The following AATK variants were observed in gnomAD, a reference collection of about 807,000 sequenced individuals.
AATK encodes the protein lemur tail kinase 1.
Under a neutral mutation model 114.3 loss-of-function variants are expected in AATK, and 91 were observed. The observed-to-expected ratio is 0.80, with a 90% confidence interval of 0.67 to 0.95. The LOEUF is 0.95. Among genes scored for constraint, AATK ranks in the 40% least tolerant of loss-of-function variants. The pLI is 0.00. For synonymous variants in AATK, 1,075 were observed against 916.5 expected, an observed-to-expected ratio of 1.17 and a Z score of -3.12; for missense variants, 2,176 against 1,965.2, an observed-to-expected ratio of 1.11 and a Z score of -2.03.
At chr17:81,131,016 T>C in intron 3 of AATK, 45 bp downstream of exon 3, 1 of 1,535,072 alleles carries the variant, frequency 6.5e-7, no homozygotes, top group Non-Finnish European at 8.7e-7. Flanking sequence ...GCCCAGCACC[T>C]GGGCCCCGGA....
chr17:81,165,500 G>T, intron 1 of AATK: 1 of 555,832 alleles, frequency 1.8e-6, no homozygotes, highest in South Asian at 1.8e-5. Context: ...GCTGGGCAGG[G>T]CTCTGAGAAT....
intron 13 of AATK, among the ~76,000 whole-genome samples, chr17:81,119,050 T>A (rs926481148): frequency 6.6e-6 from 1 of 152,108 alleles, no homozygotes; most frequent in African/African-American, 2.4e-5. Flanking sequence ...CAGGGACTTC[T>A]GGCTGGGAAG....
At position 81,127,689 on chromosome 17, in the gene AATK, G is replaced by C; in HGVS notation, c.534-19C>G. ...CAGGGCCCTGCGGGAGTGGACAGGC[G>C]GCCCCTGACTTGGGAGGAGGTGGGG... On this transcript the variant is annotated intron_variant, in intron 5 of 13. Coordinates refer to ENST00000326724, the MANE Select transcript of AATK (RefSeq NM_001080395.3). 1.3e-6 allele frequency: 2 copies of C among 1,567,676 alleles called. No homozygotes were observed. Among genetic ancestry groups the C allele is most frequent in the Non-Finnish European group, 8.6e-7 (1 of 1,156,688 alleles).
Position 81,124,974 on chromosome 17 carries a change from T to A in AATK, c.796A>T (p.Thr266Ser), listed in dbSNP as rs1210960464. The A allele has an allele frequency of 1.3e-6, 2 of 1,579,584 alleles. No individual in the cohort carries two copies. The highest frequency in any genetic ancestry group is 1.8e-5 in the Admixed American group (1 of 55,668). The stretch of plus-strand genomic sequence containing the variant: ...AGGCCATAGTCACCAATCTTCACCG[T>A]CAGGTCAGCCGTGAGCAGGCAGTTC... Reference protein sequence around the residue: ...LRNCLLTADLTVKIGDYGLAH... With the variant: ...LRNCLLTADLSVKIGDYGLAH... The change falls in exon 8 of 14, where the codon ACG (threonine) becomes TCG (serine). Residue 266 changes from threonine (T) to serine (S), a missense_variant. This residue lies in a region of AATK where 273 missense variants were observed against 344.1 expected (regional missense o/e 0.79). Transcript: ENST00000326724.
Position 81,123,241 on chromosome 17 carries a change from C to G in AATK, c.1065G>C (p.Gln355His), listed in dbSNP as rs2060725130. The G allele has an allele frequency of 7.1e-7, 1 of 1,415,540 alleles. No homozygotes were observed. The highest frequency in any genetic ancestry group is 1.5e-5 in the South Asian group (1 of 65,310). 87.7% of individuals were successfully genotyped at this position (1,415,540 alleles called of 1,614,324 possible). Residue 355 changes from glutamine (Q) to histidine (H), a missense_variant, in exon 10 of 14, where the codon CAG becomes CAC. Gln to His is a conservative substitution (Grantham distance 24, BLOSUM62 0). Coordinates refer to ENST00000326724, the MANE Select transcript of AATK (RefSeq NM_001080395.3). ...QVLAYTVREQQLKLPKPQLQL... is the reference protein window; with the variant it reads ...QVLAYTVREQHLKLPKPQLQL... ...GCAGCTGGGGCTTGGGCAGCTTGAGCTGCTGCTCCCGGACCGTGTACGCCA... is the reference window on the plus strand; with the variant it reads ...GCAGCTGGGGCTTGGGCAGCTTGAGGTGCTGCTCCCGGACCGTGTACGCCA...
chr17:81,119,194 G>GT (rs2060638123), intron 13 of AATK, among the ~76,000 whole-genome samples, 186 bp downstream of exon 13: 1 of 138,396 alleles, frequency 7.2e-6, no homozygotes, highest in East Asian at 2.3e-4. Context: ...TCAGGTGAGG[G>GT]CCAGGCGAGG....
At chr17:81,154,029 T>C (rs2061330675) in intron 1 of AATK, among the ~76,000 whole-genome samples, 1 of 151,912 alleles carries the variant, frequency 6.6e-6, no homozygotes, top group Non-Finnish European at 1.5e-5. Context: ...CGAGCTGAGA[T>C]CACATCACTG....
At chr17:81,163,133 C>T (rs910069094) in intron 1 of AATK, among the ~76,000 whole-genome samples, 3 of 152,202 alleles carry the variant, frequency 2.0e-5, no homozygotes, top group African/African-American at 7.2e-5. Context: ...GCATTTGACC[C>T]CCACCCTCAG....
chr17:81,128,168 T>C (rs912497868), intron 4 of AATK, among the ~76,000 whole-genome samples: 1 of 151,878 alleles, frequency 6.6e-6, no homozygotes, highest in African/African-American at 2.4e-5. Flanking sequence ...CTCTGGGGGT[T>C]TGAAGTGAGG....
rs375075298 is a variant in AATK at position 81,118,416 on chromosome 17, T to A, written c.4111A>T (p.Ser1371Cys). The A allele has an allele frequency of 7.5e-6, 12 of 1,608,686 alleles. No homozygotes were observed. The highest frequency in any genetic ancestry group is 1.0e-5 in the Non-Finnish European group (12 of 1,178,344). Residue 1371 changes from serine to cysteine, a missense_variant, in exon 14 of 14, where the codon AGT becomes TGT. By Grantham distance (112) the Ser-to-Cys change is moderately radical. Coordinates refer to ENST00000326724, the MANE Select transcript of AATK (RefSeq NM_001080395.3). ...RGPEAGAGGESKEA is the reference protein window; with the variant it reads ...RGPEAGAGGECKEA ...CTGCCCAGGTCTCAAGCCTCTTTAC[T>A]CTCACCCCCGGCACCAGCTTCAGGT...
chr17:81,134,646 C>A, intron 1 of AATK, 145 bp from the exon 2 acceptor site: 1 of 1,098,010 alleles, frequency 9.1e-7, no homozygotes, highest in Admixed American at 2.5e-5. Context: ...AGACCCCACA[C>A]CTCACAGTGT....
chr17:81,120,168 G>T (rs758843423), intron 11 of AATK, 33 bp downstream of exon 11: 8 of 1,541,660 alleles, frequency 5.2e-6, no homozygotes, highest in Non-Finnish European at 2.6e-6. Flanking sequence ...GCGACCCCCA[G>T]CCCCGGGCAG....
chr17:81,122,162 C>A lies in AATK; in HGVS notation c.1774G>T (p.Asp592Tyr). The change falls in exon 11 of 14, where the codon GAC (aspartate) becomes TAC (tyrosine). Residue 592 changes from aspartate (D) to tyrosine (Y), a missense_variant. Transcript: ENST00000326724. Reference protein sequence around the residue: ...PPVDVPWGRGDHYPRRSLARD... With the variant: ...PPVDVPWGRGYHYPRRSLARD... ...GCCAAGCTTCTGCGAGGGTAGTGGTCGCCGCGGCCCCAGGGGACGTCGACG... is the reference window on the plus strand; with the variant it reads ...GCCAAGCTTCTGCGAGGGTAGTGGTAGCCGCGGCCCCAGGGGACGTCGACG... The A allele has an allele frequency of 6.6e-7, 1 of 1,515,522 alleles. No individual in the cohort carries two copies. Among genetic ancestry groups the A allele is most frequent in the East Asian group, 2.5e-5 (1 of 40,524 alleles). 93.9% of individuals were successfully genotyped at this position (1,515,522 alleles called of 1,614,324 possible).
chr17:81,126,754 G>C lies in AATK; in HGVS notation c.622-194C>G. ...GGGGGGCCGTGTCCCCCAGGGCTGG[G>C]CTGGACTGAAGGCTTCCTCTCCACT... On this transcript the variant is annotated intron_variant, in intron 6 of 13. Transcript: ENST00000326724. The surrounding 1 kb of genome is among the most constrained non-coding windows in gnomAD (Gnocchi z 5.1). 1 of 1,408,330 alleles carries C rather than the reference G, an allele frequency of 7.1e-7. No individual in the cohort carries two copies. The highest frequency in any genetic ancestry group is 9.2e-7 in the Non-Finnish European group (1 of 1,083,078). 87.2% of individuals were successfully genotyped at this position (1,408,330 alleles called of 1,614,324 possible).
In AATK at chr17:81,131,181, C is replaced by T. The variant is rs755793288; in HGVS notation, c.214G>A (p.Glu72Lys). 49 of 1,580,282 alleles carry T rather than the reference C, an allele frequency of 3.1e-5. No individual in the cohort carries two copies. The highest frequency in any genetic ancestry group is 4.0e-5 in the African/African-American group (3 of 74,332). ...FKEFENAEGD[E>K]YAADLAQGSP... ...CCCTGCGCCAGGTCGGCTGCGTACT[C>T]GTCCCCCTCCGCATTCTCAAACTCC... Residue 72 changes from glutamate to lysine, a missense_variant, in exon 3 of 14, where the codon GAG becomes AAG. Glu to Lys is a moderately conservative substitution (Grantham distance 56). Transcript: ENST00000326724.
At chr17:81,144,732 A>T (rs2146371104) in intron 1 of AATK, among the ~76,000 whole-genome samples, 1 of 152,378 alleles carries the variant, frequency 6.6e-6, no homozygotes, top group South Asian at 2.1e-4. Flanking sequence ...ACAAGCTACG[A>T]AGTCCAGCGT....
intron 3 of AATK, among the ~76,000 whole-genome samples, chr17:81,130,005 T>C (rs781395820): frequency 9.9e-5 from 15 of 152,282 alleles, no homozygotes; most frequent in East Asian, 1.9e-4. Flanking sequence ...CCTCTCTAGG[T>C]CCCAGACCAG....
intron 1 of AATK, among the ~76,000 whole-genome samples, chr17:81,142,255 G>A (rs1048026794): frequency 6.0e-5 from 9 of 150,044 alleles, no homozygotes; most frequent in Admixed American, 1.3e-4. Flanking sequence ...TACCAGGCCC[G>A]CTCTTTTTTT....
intron 1 of AATK, among the ~76,000 whole-genome samples, chr17:81,144,606 T>C (rs2061189784): frequency 6.6e-6 from 1 of 152,262 alleles, no homozygotes; most frequent in Non-Finnish European, 1.5e-5. Flanking sequence ...CCCCCGGCCA[T>C]TCACATTTCC....
Sources: allele counts gnomAD v4.1 joint callset (sites outside exome capture counted in the v4.1 genomes callset), GRCh38; gene constraint gnomAD v4.1.1; regional missense constraint gnomAD v4.1.1; non-coding constraint Gnocchi (gnomAD v3.1); transcripts MANE v1.5; gene names NCBI Gene and HGNC (gene_info 2026-07-23, HGNC 2026-07-21).